Variants in QTMAN observed in about 807,000 individuals in gnomAD.
QTMAN encodes the protein queuosine-tRNA mannosyltransferase.
chr2:144,210,479 G>A, the QTMAN span, among the ~76,000 whole-genome samples: 1 of 152,144 alleles, frequency 6.6e-6, no homozygotes, highest in Admixed American at 6.6e-5. Context: ...TGAGGAAAGT[G>A]GATATACATA....
chr2:144,104,516 C>T, the QTMAN span, among the ~76,000 whole-genome samples: 1 of 152,108 alleles, frequency 6.6e-6, no homozygotes, highest in Admixed American at 6.5e-5. Context: ...ATTGCTAGCA[C>T]AGCAGTCTGA....
the QTMAN span, among the ~76,000 whole-genome samples, chr2:144,268,749 T>A: frequency 6.6e-6 from 1 of 152,328 alleles, no homozygotes; most frequent in East Asian, 1.9e-4. Flanking sequence ...AACATTGCTA[T>A]GTTATAATTA....
At chr2:144,198,202 AGCAAG>A in the QTMAN span, among the ~76,000 whole-genome samples, 1 of 151,904 alleles carries the variant, frequency 6.6e-6, no homozygotes, top group Non-Finnish European at 1.5e-5. Flanking sequence ...ACTCCAATAG[AGCAAG>A]ACTTTGTTTA....
the QTMAN span, among the ~76,000 whole-genome samples, chr2:144,245,083 T>C: frequency 1.1e-4 from 16 of 152,354 alleles, no homozygotes; most frequent in East Asian, 3.1e-3. Context: ...GTCCCTTCAC[T>C]ATTTGGCACA....
At chr2:144,158,767 C>T in the QTMAN span, among the ~76,000 whole-genome samples, 1 of 152,034 alleles carries the variant, frequency 6.6e-6, no homozygotes, top group African/African-American at 2.4e-5. Context: ...ATGGTTCCCT[C>T]AGCAACTATA....
chr2:144,219,741 G>A, the QTMAN span, among the ~76,000 whole-genome samples: 2 of 152,132 alleles, frequency 1.3e-5, no homozygotes, highest in Non-Finnish European at 2.9e-5. Context: ...AGGATCTCTT[G>A]AGCCTGGGAG....
chr2:144,127,130 ATACT>A, the QTMAN span, among the ~76,000 whole-genome samples: 1 of 152,014 alleles, frequency 6.6e-6, no homozygotes, highest in Non-Finnish European at 1.5e-5. Flanking sequence ...TATAAAAGAA[ATACT>A]TACAAGCATG....
At chr2:144,061,138 T>C in the QTMAN span, among the ~76,000 whole-genome samples, 3 of 152,182 alleles carry the variant, frequency 2.0e-5, no homozygotes, top group Non-Finnish European at 4.4e-5. Flanking sequence ...AAATAAATAT[T>C]TGTGTAACCT....
chr2:144,036,734 G>A, the QTMAN span, among the ~76,000 whole-genome samples: 1 of 152,070 alleles, frequency 6.6e-6, no homozygotes, highest in Non-Finnish European at 1.5e-5. Context: ...TTAATGGCAG[G>A]TTGGCATTGG....
the QTMAN span, among the ~76,000 whole-genome samples, chr2:143,976,432 T>G: frequency 6.6e-6 from 1 of 152,222 alleles, no homozygotes; most frequent in Admixed American, 6.5e-5. Context: ...TACTTCCCAT[T>G]ATGAAATAGC....
the QTMAN span, among the ~76,000 whole-genome samples, chr2:144,186,902 C>A: frequency 1.8e-3 from 268 of 152,212 alleles, no homozygotes; most frequent in Non-Finnish European, 2.6e-3. Flanking sequence ...TCAAGACCTC[C>A]CTTTCCTCAG....
the QTMAN span, among the ~76,000 whole-genome samples, chr2:144,079,752 TTTTA>T: frequency 6.6e-6 from 1 of 152,116 alleles, no homozygotes; most frequent in Admixed American, 6.5e-5. Flanking sequence ...CTTACTGCTG[TTTTA>T]TGACAAAATT....
chr2:144,184,754 C>CTTT, the QTMAN span, among the ~76,000 whole-genome samples: 1 of 151,984 alleles, frequency 6.6e-6, no homozygotes, highest in Non-Finnish European at 1.5e-5. Context: ...ATTTCATTTG[C>CTTT]ATACAGGGAT....
chr2:144,330,214 C>A, the QTMAN span, among the ~76,000 whole-genome samples: 3 of 152,198 alleles, frequency 2.0e-5, no homozygotes, highest in Admixed American at 2.0e-4. Context: ...GATTATAATA[C>A]CGTATTTTTA....
chr2:143,943,560 GATGCTTTCTCAA>G, the QTMAN span: 1 of 152,198 alleles, frequency 6.6e-6, no homozygotes, highest in African/African-American at 2.4e-5. Context: ...CTGGGTAGCA[GATGCTTTCTCAA>G]AAACAGATTT....
chr2:144,198,044 C>T, the QTMAN span, among the ~76,000 whole-genome samples: 1 of 152,068 alleles, frequency 6.6e-6, no homozygotes, highest in East Asian at 1.9e-4. Flanking sequence ...CTGGGCAACA[C>T]AGCAAGACAC....
At chr2:144,166,211 C>T in the QTMAN span, among the ~76,000 whole-genome samples, 1 of 152,168 alleles carries the variant, frequency 6.6e-6, no homozygotes, top group African/African-American at 2.4e-5. Context: ...CATGCTACTG[C>T]TATCTAATTT....
At chr2:143,984,154 T>C in the QTMAN span, among the ~76,000 whole-genome samples, 1 of 152,196 alleles carries the variant, frequency 6.6e-6, no homozygotes, top group African/African-American at 2.4e-5. Flanking sequence ...CAAGTCACCT[T>C]CATAGAAAAG....
chr2:144,116,547 G>A, the QTMAN span, among the ~76,000 whole-genome samples: 2 of 152,158 alleles, frequency 1.3e-5, no homozygotes, highest in East Asian at 3.9e-4. Flanking sequence ...CGTACACAAT[G>A]CCTTCAAGGA....
Sources: gnomAD v4.1 joint callset for allele counts (sites outside exome capture counted in the v4.1 genomes callset) on GRCh38, gnomAD v4.1.1 for gene constraint, MANE v1.5 for transcripts, NCBI Gene and HGNC (gene_info 2026-07-23, HGNC 2026-07-21) for gene names.